KDM5D: variants seen among roughly 807,000 people sequenced by gnomAD.
The protein encoded by KDM5D is lysine-specific demethylase 5D.
A neutral mutation model predicts 31.9 loss-of-function variants in KDM5D; 25 were observed. The ratio of observed to expected loss-of-function variants is 0.78; its 90% CI spans 0.57 to 1.09. KDM5D has a LOEUF of 1.09. KDM5D is among the 50% of genes least tolerant of loss of function. The probability of loss-of-function intolerance (pLI) is 0.00; values close to 1 mark genes in which losing one functional copy is unlikely to be tolerated. For missense variants in KDM5D, 366 were observed against 341.6 expected (o/e 1.07, Z -0.56); for synonymous variants, 146 against 122.3 (o/e 1.19, Z -1.28).
intron 13 of KDM5D, among the ~76,000 whole-genome samples, chrY:19,718,754 T>C: frequency 2.9e-5 from 1 of 34,189 alleles, no homozygotes; most frequent in Non-Finnish European, 7.3e-5. Flanking sequence ...ACAACAACTA[T>C]TGTACATAAA....
At chrY:19,729,361 AAGAT>A (rs1218019100) in intron 11 of KDM5D, among the ~76,000 whole-genome samples, 1 of 33,882 alleles carries the variant, frequency 3.0e-5, no homozygotes, top group Non-Finnish European at 7.4e-5. Flanking sequence ...AGTTCAAAAT[AAGAT>A]AGCAAAAAAT....
intron 11 of KDM5D, among the ~76,000 whole-genome samples, chrY:19,722,854 T>C (rs754342155): frequency 3.1e-5 from 1 of 32,683 alleles, no homozygotes; most frequent in African/African-American, 1.2e-4. Flanking sequence ...TGCCCATATA[T>C]TGAAAGATTC....
chrY:19,704,893 G>C lies in KDM5D; in HGVS notation c.*1102C>G. 1 of 33,775 alleles carries C rather than the reference G, an allele frequency of 3.0e-5. No individual in the cohort carries two copies. Among genetic ancestry groups the C allele is most frequent in the Admixed American group, 2.7e-4 (1 of 3,741 alleles). 8.4% of individuals were successfully genotyped at this position (33,775 alleles called of 400,897 possible). A position where few individuals can be genotyped will look rare whatever the true frequency, so the allele number is the denominator to read the frequency against. On this transcript the variant is annotated 3_prime_UTR_variant, in exon 27 of 27. Transcript: ENST00000317961. ...ATTGTATTCACCAGTTGAAAGAACA[G>C]AAAATATTGAGGGAGATAACTTGTG...
intron 19 of KDM5D, 175 bp from the exon 20 acceptor site, chrY:19,709,984 G>A: frequency 8.7e-6 from 3 of 344,861 alleles, no homozygotes; most frequent in Non-Finnish European, 1.2e-5. Context: ...TGTTTACCTA[G>A]AATGACATTT....
Position 19,716,439 on chromosome Y carries a change from C to T in KDM5D, c.1871G>A (p.Arg624His). ...GAAGACACAATAGCGCCGGAGCCGG[C>T]GGTAGTGTTCAATGCACTGGCGTCC... ...PAGRQCIEHY[R>H]RLRRYCVFSH... The change falls in exon 15 of 27, where the codon CGC (arginine) becomes CAC (histidine). Residue 624 changes from arginine to histidine, a missense_variant. Coordinates refer to ENST00000317961, the MANE Select transcript of KDM5D (RefSeq NM_004653.5). 2.5e-6 allele frequency: 1 copy of T among 399,253 alleles called. No individual in the cohort carries two copies. Among genetic ancestry groups the T allele is most frequent in the Non-Finnish European group, 3.5e-6 (1 of 283,549 alleles).
chrY:19,705,567 G>A lies in KDM5D; in HGVS notation c.*428C>T. On this transcript the variant is annotated 3_prime_UTR_variant, in exon 27 of 27. Coordinates refer to ENST00000317961, the MANE Select transcript of KDM5D (RefSeq NM_004653.5). Reference sequence around the variant, plus strand: ...TCTTCTTTTATAATAAGACCCAAGGGGAGAAAAGAAAAGGATGTACAATGA... The same window carrying A: ...TCTTCTTTTATAATAAGACCCAAGGAGAGAAAAGAAAAGGATGTACAATGA... The A allele has an allele frequency of 1.1e-4, 4 of 35,873 alleles. No individual in the cohort carries two copies. Among genetic ancestry groups the A allele is most frequent in the African/African-American group, 4.7e-4 (4 of 8,480 alleles). The allele number at this position is 35,873 out of a possible 400,897, so 8.9% of individuals were successfully genotyped here.
chrY:19,742,003 G>A, intron 3 of KDM5D, 146 bp from the exon 4 acceptor site: 1 of 121,041 alleles, frequency 8.3e-6, no homozygotes, highest in Non-Finnish European at 1.5e-5. Context: ...TATCTCACCA[G>A]CGGGGTCCAC....
At position 19,716,444 on chromosome Y, in the gene KDM5D, G is replaced by A; in HGVS notation, c.1866C>T (p.His622=). Residue 622 remains histidine, a synonymous_variant, in exon 15 of 27, where the codon CAC becomes CAT. Transcript: ENST00000317961. ...WLPAGRQCIE[H]YRRLRRYCVF... is the part of the protein sequence containing the mutation. ...CACAATAGCGCCGGAGCCGGCGGTA[G>A]TGTTCAATGCACTGGCGTCCAGCAG... 1 of 399,468 alleles carries A rather than the reference G, an allele frequency of 2.5e-6. No individual in the cohort carries two copies. The highest frequency in any genetic ancestry group is 3.5e-6 in the Non-Finnish European group (1 of 283,562).
At chrY:19,708,796 C>T in intron 21 of KDM5D, 79 bp downstream of exon 21, 1 of 314,514 alleles carries the variant, frequency 3.2e-6, no homozygotes, top group South Asian at 3.4e-5. Flanking sequence ...ACAACCCAAC[C>T]GAGTAAAAAC....
chrY:19,733,830 C>A (rs2045488818), intron 8 of KDM5D, among the ~76,000 whole-genome samples: 1 of 32,293 alleles, frequency 3.1e-5, no homozygotes, highest in African/African-American at 1.2e-4. Flanking sequence ...GAGCTGAGAG[C>A]GCACCAGTGC....
intron 6 of KDM5D, among the ~76,000 whole-genome samples, chrY:19,738,302 C>T (rs2045523745): frequency 8.9e-5 from 3 of 33,541 alleles, no homozygotes; most frequent in Admixed American, 8.1e-4. Context: ...CAGTTTCTTC[C>T]AGACATAATT....
In KDM5D at chrY:19,731,889, C is replaced by T. The variant is rs773582532; in HGVS notation, c.1254G>A (p.Leu418=). The stretch of plus-strand genomic sequence containing the variant: ...TCACGTCTTCCTCAATGCTGCTCAC[C>T]AGCCTCCAGAATTCCTTCTCTACAA... ...TELVEKEFWR[L]VSSIEEDVTV... The change falls in exon 11 of 27, where the codon CTG becomes CTA. Residue 418 remains leucine (L), a synonymous_variant. Coordinates refer to ENST00000317961, the MANE Select transcript of KDM5D (RefSeq NM_004653.5). 3 of 395,961 alleles carry T rather than the reference C, an allele frequency of 7.6e-6. No homozygotes were observed. In the East Asian group the frequency reaches 2.8e-4, roughly 37 times the overall value.
chrY:19,709,179 ATAGATCTCTTG>A (rs2045275464), intron 20 of KDM5D, among the ~76,000 whole-genome samples, 166 bp from the exon 21 acceptor site: 2 of 33,934 alleles, frequency 5.9e-5, no homozygotes, highest in Non-Finnish European at 1.5e-4. Flanking sequence ...AGGGGGCTAT[ATAGATCTCTTG>A]TAAGTCACAT....
chrY:19,717,024 A>G (rs913836527), intron 13 of KDM5D, among the ~76,000 whole-genome samples: 2 of 33,674 alleles, frequency 5.9e-5, no homozygotes, highest in Admixed American at 2.7e-4. Context: ...AAAATGATGA[A>G]GTTGGAAACT....
At position 19,708,228 on chromosome Y, in the gene KDM5D, G is replaced by A; in HGVS notation, c.3261+16C>T. 1 of 390,954 alleles carries A rather than the reference G, an allele frequency of 2.6e-6. No individual in the cohort carries two copies. The highest frequency in any genetic ancestry group is 3.6e-6 in the Non-Finnish European group (1 of 278,909). ...CAGATGAAGAAGAGGCTGTGGGTCAGGGTCTCAGACCTCACCTCAAGCAGT... is the reference window on the plus strand; with the variant it reads ...CAGATGAAGAAGAGGCTGTGGGTCAAGGTCTCAGACCTCACCTCAAGCAGT... On this transcript the variant is annotated intron_variant, in intron 22 of 26. Transcript: ENST00000317961.
Position 19,716,709 on chromosome Y carries a change from G to A in KDM5D, c.1723C>T (p.Arg575Cys). Residue 575 changes from arginine to cysteine, a missense_variant, in exon 14 of 27, where the codon CGC becomes TGC. Arg to Cys is a radical substitution (Grantham distance 180). Transcript: ENST00000317961. ...AACTCCCCTGCACACTGGTTTGTGC[G>A]GACAACCTAAAAAGGAGAAAAAAGC... ...TLMSHGVPVV[R>C]TNQCAGEFVI... is the part of the protein sequence containing the mutation. The A allele has an allele frequency of 2.5e-6, 1 of 397,404 alleles. No individual in the cohort carries two copies. Among genetic ancestry groups the A allele is most frequent in the South Asian group, 3.0e-5 (1 of 33,679 alleles).
chrY:19,741,277 C>T, intron 5 of KDM5D, 41 bp downstream of exon 5: 1 of 356,557 alleles, frequency 2.8e-6, no homozygotes. Flanking sequence ...CAAAAGAAAA[C>T]AAAATCACAT....
chrY:19,742,273 G>T (rs2045558424), intron 3 of KDM5D, among the ~76,000 whole-genome samples: 1 of 33,740 alleles, frequency 3.0e-5, no homozygotes, highest in Non-Finnish European at 7.3e-5. Flanking sequence ...CTGAATCACT[G>T]CTTTCTTACT....
intron 5 of KDM5D, among the ~76,000 whole-genome samples, chrY:19,740,625 T>C: frequency 3.0e-5 from 1 of 33,626 alleles, no homozygotes; most frequent in Admixed American, 2.7e-4. Flanking sequence ...TAAACCCAAG[T>C]CACACCAAGC....
Sources: allele counts gnomAD v4.1 joint callset (sites outside exome capture counted in the v4.1 genomes callset), GRCh38; gene constraint gnomAD v4.1.1; transcripts MANE v1.5; gene names NCBI Gene and HGNC (gene_info 2026-07-23, HGNC 2026-07-21).